The following CDH17 variants were observed in gnomAD, a reference collection of about 807,000 sequenced individuals.
CDH17 encodes the protein cadherin 17.
CDH17 carries 67 observed loss-of-function variants against 86.3 expected under a neutral mutation model. The ratio of observed to expected loss-of-function variants is 0.78; its 90% CI spans 0.64 to 0.95. The LOEUF is 0.95. Ranked by LOEUF, CDH17 falls within the 40% of genes least tolerant of loss-of-function variation. The pLI is 0.00. For synonymous variants in CDH17, 367 were observed against 366.4 expected (o/e 1.00, Z -0.02); for missense variants, 993 against 1,017.6 (o/e 0.98, Z 0.33).
upstream of CDH17, among the ~76,000 whole-genome samples, chr8:94,209,220 T>C (rs375287747): frequency 5.9e-4 from 90 of 152,194 alleles, 3 homozygotes; most frequent in South Asian, 0.017. Context: ...CAAAATGAGG[T>C]TTTTGATTAA....
At chr8:94,199,102 T>C in intron 1 of CDH17, among the ~76,000 whole-genome samples, 1 of 143,264 alleles carries the variant, frequency 7.0e-6, no homozygotes, top group Non-Finnish European at 1.5e-5. Context: ...TTTTTATCAT[T>C]TGTCTGTTAG....
At chr8:94,141,014 A>T (rs1812626280) in intron 15 of CDH17, among the ~76,000 whole-genome samples, 1 of 152,178 alleles carries the variant, frequency 6.6e-6, no homozygotes, top group Non-Finnish European at 1.5e-5. Context: ...CTTCCTCATT[A>T]TACAAGGCAA....
intron 12 of CDH17, among the ~76,000 whole-genome samples, chr8:94,153,003 A>C (rs1465729039): frequency 3.3e-5 from 5 of 152,346 alleles, no homozygotes; most frequent in Non-Finnish European, 7.3e-5. Flanking sequence ...CCAAAAACAC[A>C]GACTACAAAA....
chr8:94,166,588 T>G (rs1051130969), intron 9 of CDH17, among the ~76,000 whole-genome samples: 1 of 152,102 alleles, frequency 6.6e-6, no homozygotes, highest in Admixed American at 6.6e-5. Context: ...CCATAACACC[T>G]AGTACTCCCT....
Position 94,146,162 on chromosome 8 carries a change from A to T in CDH17, c.1933T>A (p.Ser645Thr). The T allele has an allele frequency of 6.5e-7, 1 of 1,534,282 alleles. No homozygotes were observed. Among genetic ancestry groups the T allele is most frequent in the Middle Eastern group, 1.7e-4 (1 of 5,722 alleles). ...VQVVATEVGG[S>T]SLSSVSEFHL... ...AACTCTGACACAGAGCTCAAGGAAG[A>T]CCCCCCTAAGGAATTGAATGATTGA... The change falls in exon 15 of 18, where the codon TCT becomes ACT. Residue 645 changes from serine (S) to threonine (T), a missense_variant. By Grantham distance (58) the Ser-to-Thr change is moderately conservative. Transcript: ENST00000027335.
chr8:94,216,008 C>A (rs1814189167), intron 1 of CDH17, among the ~76,000 whole-genome samples: 1 of 152,074 alleles, frequency 6.6e-6, no homozygotes, highest in Non-Finnish European at 1.5e-5. Context: ...GGCATAATGG[C>A]CCCTCAGCCC....
chr8:94,139,437 T>C (rs948216874), intron 15 of CDH17, among the ~76,000 whole-genome samples: 1 of 152,124 alleles, frequency 6.6e-6, no homozygotes, highest in Non-Finnish European at 1.5e-5. Context: ...CCATGTTAGA[T>C]GAAAACTCCA....
intron 1 of CDH17, 127 bp from the exon 2 acceptor site, chr8:94,194,832 C>T (rs541728433): frequency 4.4e-5 from 27 of 619,088 alleles, no homozygotes; most frequent in Middle Eastern, 8.7e-4. Context: ...AAAAGGCCAG[C>T]CTCTCCTCTA....
At chr8:94,160,289 T>G (rs570967968) in intron 11 of CDH17, 127 bp from the exon 12 acceptor site, 5 of 655,654 alleles carry the variant, frequency 7.6e-6, no homozygotes, top group African/African-American at 7.2e-5. Flanking sequence ...TGGGGCATGT[T>G]TTTTCCTATT....
intron 9 of CDH17, among the ~76,000 whole-genome samples, chr8:94,168,659 C>T (rs1280903047): frequency 6.6e-6 from 1 of 152,068 alleles, no homozygotes; most frequent in Non-Finnish European, 1.5e-5. Context: ...TTTAGAGAGG[C>T]AAATAGCAAG....
chr8:94,205,084 G>C (rs747131583), intron 1 of CDH17, among the ~76,000 whole-genome samples: 13 of 152,160 alleles, frequency 8.5e-5, no homozygotes, highest in South Asian at 6.2e-4. Context: ...TGGGTTTTAA[G>C]CAGGTAGCCA....
intron 1 of CDH17, among the ~76,000 whole-genome samples, chr8:94,200,644 G>A (rs1184671472): frequency 7.5e-6 from 1 of 134,062 alleles, no homozygotes; most frequent in African/African-American, 2.8e-5. Context: ...GCACCACCAT[G>A]ACCACCACTT....
intron 9 of CDH17, among the ~76,000 whole-genome samples, chr8:94,168,253 G>A (rs1813203709): frequency 6.9e-6 from 1 of 145,008 alleles, no homozygotes; most frequent in African/African-American, 2.6e-5. Context: ...AGCCTCTCAA[G>A]TAGGTGAGAT....
chr8:94,203,072 A>C, intron 1 of CDH17: 2 of 189,824 alleles, frequency 1.1e-5, no homozygotes, highest in South Asian at 2.2e-4. Context: ...TGGGAAGGTG[A>C]TGTTTAGACG....
rs1586242051 is a variant in CDH17, at chr8:94,148,761, A to G, written c.1910T>C (p.Val637Ala). 3 of 1,473,978 alleles carry G rather than the reference A, an allele frequency of 2.0e-6. No individual in the cohort carries two copies. The highest frequency in any genetic ancestry group is 1.7e-5 in the African/African-American group (1 of 60,254). The allele number at this position is 1,473,978 out of a possible 1,614,324, so 91.3% of individuals were successfully genotyped here. A position where few individuals can be genotyped will look rare whatever the true frequency, so the allele number is the denominator to read the frequency against. ...TTGCTTACCTACTTCTGTGGCCACC[A>G]CTTGTACCCGATATGGACTTCCGGC... is the stretch of plus-strand genomic sequence containing the variant. ...REAGSPYRVQ[V>A]VATEVGGSSL... Residue 637 changes from valine (V) to alanine (A), a missense_variant, in exon 14 of 18, where the codon GTG (valine) becomes GCG (alanine). Transcript: ENST00000027335.
At chr8:94,170,757 T>G (rs553462701) in intron 8 of CDH17, 97 bp downstream of exon 8, 32 of 1,355,828 alleles carry the variant, frequency 2.4e-5, no homozygotes, top group East Asian at 1.9e-4. Flanking sequence ...GAAATGTGTG[T>G]TTTTTTTTTC....
chr8:94,199,665 G>A (rs956340233), intron 1 of CDH17, among the ~76,000 whole-genome samples: 6 of 152,070 alleles, frequency 3.9e-5, no homozygotes, highest in Non-Finnish European at 5.9e-5. Context: ...GCCCCTCACC[G>A]AGGGTTTCCA....
In CDH17 at chr8:94,130,694, C is replaced by T; in HGVS notation, c.2330G>A (p.Gly777Asp). ...CVEGSCFRPA[G>D]HQTGIPTVGM... is the part of the protein sequence containing the mutation. The stretch of plus-strand genomic sequence containing the variant: ...CACAGTGGGTATCCCAGTCTGGTGA[C>T]CTGCTGGCCGGAAACAACTTCCTTC... The change falls in exon 17 of 18, where the codon GGT becomes GAT. Residue 777 changes from glycine (G) to aspartate (D), a missense_variant. Physicochemically the swap from Gly to Asp is moderately conservative, Grantham distance 94 (BLOSUM62 -1). Transcript: ENST00000027335. The T allele has an allele frequency of 6.2e-7, 1 of 1,614,020 alleles. No homozygotes were observed.
chr8:94,130,214 G>A (rs937367058), intron 17 of CDH17, among the ~76,000 whole-genome samples: 2 of 152,286 alleles, frequency 1.3e-5, no homozygotes, highest in Admixed American at 1.3e-4. Context: ...GCCACTGGAA[G>A]GCTAACTTCT....
Sources: allele counts gnomAD v4.1 joint callset (sites outside exome capture counted in the v4.1 genomes callset), GRCh38; gene constraint gnomAD v4.1.1; transcripts MANE v1.5; gene names NCBI Gene and HGNC (gene_info 2026-07-23, HGNC 2026-07-21).